Variants in UBL3 observed in about 807,000 individuals in gnomAD.
The protein encoded by UBL3 is ubiquitin like 3.
A neutral mutation model predicts 18.4 loss-of-function variants in UBL3; 6 were observed. The observed-to-expected ratio is 0.33, with a 90% confidence interval of 0.18 to 0.64. The LOEUF (loss-of-function observed/expected upper bound fraction) is 0.64. Among genes scored for constraint, UBL3 ranks in the 30% least tolerant of loss-of-function variants. UBL3 has a pLI of 0.76. For synonymous variants in UBL3, 49 were observed against 46.6 expected, an observed-to-expected ratio of 1.05 and a Z score of -0.21; for missense variants, 109 against 142.9, an observed-to-expected ratio of 0.76 and a Z score of 1.21.
chr13:29,772,872 T>C (rs976688227), intron 2 of UBL3, among the ~76,000 whole-genome samples: 2 of 152,086 alleles, frequency 1.3e-5, no homozygotes, highest in Non-Finnish European at 2.9e-5. Context: ...GACAAACTGG[T>C]AGGCAGAATG....
At chr13:29,786,614 C>T (rs1877325861) in intron 1 of UBL3, among the ~76,000 whole-genome samples, 1 of 152,192 alleles carries the variant, frequency 6.6e-6, no homozygotes, top group Non-Finnish European at 1.5e-5. Flanking sequence ...TCTGTGAAAA[C>T]AGATTTTAAC....
intron 1 of UBL3, among the ~76,000 whole-genome samples, chr13:29,788,583 T>C (rs779847503): frequency 6.6e-6 from 1 of 152,178 alleles, no homozygotes; most frequent in African/African-American, 2.4e-5. Flanking sequence ...TTCTATCTTA[T>C]TCGAATAGCC....
At position 29,849,886 on chromosome 13, in the gene UBL3, G is replaced by GTT. The variant is rs1593681913; in HGVS notation, c.-350_-349dup. On this transcript the variant is annotated 5_prime_UTR_variant, in exon 1 of 5. Transcript: ENST00000380680. ...CGGACATGGAGAGGGGTGGGAGGGG[G>GTT]TTAAATGCGCCTTCCTCCTTTCCCA... The GTT allele has an allele frequency of 2.3e-6, 1 of 442,512 alleles. No individual in the cohort carries two copies. Among genetic ancestry groups the GTT allele is most frequent in the East Asian group, 4.6e-5 (1 of 21,750 alleles). 27.4% of individuals were successfully genotyped at this position (442,512 alleles called of 1,614,324 possible).
At chr13:29,769,455 G>A (rs943156841) in intron 3 of UBL3, among the ~76,000 whole-genome samples, 6 of 152,038 alleles carry the variant, frequency 3.9e-5, no homozygotes, top group Non-Finnish European at 1.5e-5. Context: ...CTATGACACA[G>A]TACAATATCC....
At chr13:29,797,340 T>C (rs1877640442) in intron 1 of UBL3, among the ~76,000 whole-genome samples, 1 of 152,216 alleles carries the variant, frequency 6.6e-6, no homozygotes, top group African/African-American at 2.4e-5. Context: ...AAAATGTGAT[T>C]TGAAGGTACA....
chr13:29,844,818 C>G (rs1338449191), intron 1 of UBL3, among the ~76,000 whole-genome samples: 2 of 152,054 alleles, frequency 1.3e-5, no homozygotes. Flanking sequence ...GTATTTTATC[C>G]ACTAATTTAA....
chr13:29,843,565 C>T (rs1024386044), intron 1 of UBL3, among the ~76,000 whole-genome samples: 1 of 152,154 alleles, frequency 6.6e-6, no homozygotes, highest in Non-Finnish European at 1.5e-5. Context: ...AATCATATTA[C>T]TTTTTCATTC....
chr13:29,767,579 T>G, intron 4 of UBL3, 39 bp downstream of exon 4: 1 of 1,600,586 alleles, frequency 6.2e-7, no homozygotes, highest in Non-Finnish European at 8.5e-7. Context: ...TGCCTGTCTT[T>G]GTGCCTCAAC....
At chr13:29,841,947 TGTAA>T (rs1241341501) in intron 1 of UBL3, among the ~76,000 whole-genome samples, 1 of 152,174 alleles carries the variant, frequency 6.6e-6, no homozygotes, top group Non-Finnish European at 1.5e-5. Context: ...TCTCCCATTC[TGTAA>T]GTGATTATGT....
chr13:29,767,005 G>C lies in UBL3; in HGVS notation c.*250C>G. The C allele has an allele frequency of 3.0e-6, 1 of 329,944 alleles. No individual in the cohort carries two copies. The highest frequency in any genetic ancestry group is 5.5e-6 in the Non-Finnish European group (1 of 183,434). 20.4% of individuals were successfully genotyped at this position (329,944 alleles called of 1,614,324 possible). On this transcript the variant is annotated 3_prime_UTR_variant, in exon 5 of 5. Coordinates refer to ENST00000380680, the MANE Select transcript of UBL3 (RefSeq NM_007106.4). Reference sequence around the variant, plus strand: ...CTTGTTAACTTTTCCCCTGGAGATTGACTGCATTCAAAAACCAATATGTGT... The same window carrying C: ...CTTGTTAACTTTTCCCCTGGAGATTCACTGCATTCAAAAACCAATATGTGT...
chr13:29,849,502 C>T lies in UBL3; in HGVS notation c.27+10G>A, dbSNP rs1879313508. 6 of 1,614,040 alleles carry T rather than the reference C, an allele frequency of 3.7e-6. No individual in the cohort carries two copies. Among genetic ancestry groups the T allele is most frequent in the South Asian group, 1.1e-5 (1 of 91,076 alleles). On this transcript the variant is annotated intron_variant, in intron 1 of 4. Transcript: ENST00000380680. Reference sequence around the variant, plus strand: ...AATTAAATCAGTGTCATAACTTATCCGTCACTTACCATATCCGCCGGGACA... The same window carrying T: ...AATTAAATCAGTGTCATAACTTATCTGTCACTTACCATATCCGCCGGGACA...
chr13:29,826,833 T>C (rs1878633445), intron 1 of UBL3, among the ~76,000 whole-genome samples: 1 of 152,220 alleles, frequency 6.6e-6, no homozygotes, highest in South Asian at 2.1e-4. Flanking sequence ...GTGCTATATA[T>C]TTCCCTCTAC....
intron 1 of UBL3, among the ~76,000 whole-genome samples, chr13:29,826,966 C>T (rs1878639624): frequency 6.6e-6 from 1 of 152,066 alleles, no homozygotes; most frequent in Non-Finnish European, 1.5e-5. Context: ...CCGGAGCTTG[C>T]TGTTCAGTTT....
At chr13:29,808,300 T>C (rs1303617738) in intron 1 of UBL3, among the ~76,000 whole-genome samples, 1 of 151,758 alleles carries the variant, frequency 6.6e-6, no homozygotes, top group Admixed American at 6.6e-5. Flanking sequence ...ATACAGTGCA[T>C]ATATGACCAT....
chr13:29,816,410 C>T (rs146522909), intron 1 of UBL3, among the ~76,000 whole-genome samples: 1 of 152,128 alleles, frequency 6.6e-6, no homozygotes, highest in Non-Finnish European at 1.5e-5. Flanking sequence ...TTGCTATGTG[C>T]TGAAGTAATC....
At chr13:29,839,813 G>C (rs1879051937) in intron 1 of UBL3, among the ~76,000 whole-genome samples, 2 of 151,750 alleles carry the variant, frequency 1.3e-5, no homozygotes, top group African/African-American at 4.8e-5. Flanking sequence ...TGTAGTCCCA[G>C]TTACTCGGGA....
Position 29,788,876 on chromosome 13 carries a change from CGCGCGCGCACGCGCACGTGTGT to C in UBL3, c.28-11635_28-11614del, listed in dbSNP as rs1354345090. Among the ~76,000 whole-genome samples the C allele has an allele frequency of 5.8e-3, 344 of 59,584 alleles. 2 individuals are homozygous for C. In the East Asian group the frequency reaches 0.15, roughly 26 times the overall value. 39.1% of individuals were successfully genotyped at this position (59,584 alleles called of 152,430 possible). On this transcript the variant is annotated intron_variant, in intron 1 of 4. Transcript: ENST00000380680. ...GTGTGTGTGTGTGTGTGTGTGCGCG[CGCGCGCGCACGCGCACGTGTGT>C]GCGTGTGTGTGTGTGTTTGAGACGG... is the stretch of plus-strand genomic sequence containing the variant.
At chr13:29,794,895 C>G (rs995528073) in intron 1 of UBL3, among the ~76,000 whole-genome samples, 2 of 152,194 alleles carry the variant, frequency 1.3e-5, no homozygotes. Context: ...CATTTGAGTA[C>G]ATTTTTCTTG....
At chr13:29,784,834 C>A (rs1193306335) in intron 1 of UBL3, among the ~76,000 whole-genome samples, 1 of 18,166 alleles carries the variant, frequency 5.5e-5, no homozygotes, top group African/African-American at 1.5e-4. Flanking sequence ...AACACATACA[C>A]ACATGCACAC....
Sources: allele counts gnomAD v4.1 joint callset (sites outside exome capture counted in the v4.1 genomes callset), GRCh38; gene constraint gnomAD v4.1.1; transcripts MANE v1.5; gene names NCBI Gene and HGNC (gene_info 2026-07-23, HGNC 2026-07-21).